Variants in PLB1 observed in about 807,000 individuals in gnomAD.
The protein encoded by PLB1 is phospholipase B1, membrane-associated.
In PLB1, 242 loss-of-function variants were observed where a neutral mutation model predicts 227.4. The observed-to-expected ratio is 1.06, with a 90% CI of 0.96 to 1.18. The LOEUF is 1.18. Ranked by LOEUF, PLB1 falls within the 50% of genes most tolerant of loss-of-function variation. The probability of loss-of-function intolerance (pLI) is 0.00; values close to 1 mark genes in which losing one functional copy is unlikely to be tolerated. For missense variants in PLB1, 1,858 were observed against 1,816.3 expected (o/e 1.02, Z -0.42); for synonymous variants, 757 against 682.2 (o/e 1.11, Z -1.71).
intron 55 of PLB1, 60 bp downstream of exon 55, chr2:28,632,200 G>A (rs1688725743): frequency 2.3e-6 from 3 of 1,304,846 alleles, no homozygotes; most frequent in African/African-American, 3.0e-5. Context: ...GACGATGGAT[G>A]TATTTCCTTC....
Position 28,643,454 on chromosome 2 carries a change from A to C in PLB1, c.*393A>C, listed in dbSNP as rs1690181809. ...ACCCACTATTTCAAAGGCAGAAAAA[A>C]TGCTGGTCACCAGGTGGTGGCTGGA... On this transcript the variant is annotated 3_prime_UTR_variant, in exon 58 of 58. Transcript: ENST00000327757. 1 of 171,238 alleles carries C rather than the reference A, an allele frequency of 5.8e-6. No homozygotes were observed. Among genetic ancestry groups the C allele is most frequent in the Non-Finnish European group, 1.2e-5 (1 of 80,514 alleles). The allele number at this position is 171,238 out of a possible 1,614,324, so 10.6% of individuals were successfully genotyped here.
chr2:28,500,847 A>G (rs984876193), intron 1 of PLB1, among the ~76,000 whole-genome samples: 9 of 152,254 alleles, frequency 5.9e-5, no homozygotes, highest in Non-Finnish European at 1.2e-4. Context: ...TGCCAAAGTT[A>G]TTACAGATTT....
At chr2:28,578,042 C>T in intron 21 of PLB1, 65 bp from the exon 22 acceptor site, 2 of 1,503,772 alleles carry the variant, frequency 1.3e-6, no homozygotes, top group Non-Finnish European at 1.9e-6. Flanking sequence ...GATTGCTGTT[C>T]TCTCTGCTAA....
chr2:28,496,544 C>T (rs1666464014), intron 1 of PLB1, among the ~76,000 whole-genome samples: 1 of 152,186 alleles, frequency 6.6e-6, no homozygotes, highest in East Asian at 1.9e-4. Flanking sequence ...AATACTACTA[C>T]TATGCACATT....
chr2:28,601,652 G>T (rs1264074888), intron 37 of PLB1, among the ~76,000 whole-genome samples: 2 of 152,168 alleles, frequency 1.3e-5, no homozygotes, highest in African/African-American at 2.4e-5. Flanking sequence ...TTGGAAGGAG[G>T]AGTCTCCACT....
At chr2:28,601,379 C>G (rs748161725) in intron 37 of PLB1, 47 bp downstream of exon 37, 1 of 1,533,944 alleles carries the variant, frequency 6.5e-7, no homozygotes, top group East Asian at 2.3e-5. Flanking sequence ...TAACTTTGCC[C>G]AGTAGGCGTT....
chr2:28,523,260 T>C (rs1572733103), intron 4 of PLB1, among the ~76,000 whole-genome samples: 1 of 151,686 alleles, frequency 6.6e-6, no homozygotes, highest in Non-Finnish European at 1.5e-5. Context: ...TTCTCCAATG[T>C]ATAGCAATAC....
At chr2:28,534,519 G>C (rs1020941386) in intron 9 of PLB1, among the ~76,000 whole-genome samples, 10 of 152,196 alleles carry the variant, frequency 6.6e-5, no homozygotes, top group Non-Finnish European at 1.5e-4. Context: ...ACTTGTACTG[G>C]ATTGGGACGT....
In PLB1 at chr2:28,527,127, T is replaced by C. The variant is rs1472893527; in HGVS notation, c.325+1182T>C. On this transcript the variant is annotated intron_variant, in intron 6 of 57. Transcript: ENST00000327757. Reference sequence around the variant, plus strand: ...GGGGGGTGTCTGGGAAGATAGGATATAGTTTAGACCCTGAAGCCACAAATG... The same window carrying C: ...GGGGGGTGTCTGGGAAGATAGGATACAGTTTAGACCCTGAAGCCACAAATG... 4.6e-5 allele frequency among the ~76,000 whole-genome samples: 7 copies of C among 152,200 alleles called. No homozygotes were observed. In the East Asian group the frequency reaches 1.4e-3, roughly 29 times the overall value.
chr2:28,601,222 A>G (rs930233220), intron 36 of PLB1, 30 bp from the exon 37 acceptor site: 1 of 1,567,060 alleles, frequency 6.4e-7, no homozygotes, highest in Non-Finnish European at 8.8e-7. Flanking sequence ...CTTGTTGGAA[A>G]TTATCAAGCA....
At chr2:28,576,095 G>T (rs1678880659) in intron 21 of PLB1, among the ~76,000 whole-genome samples, 1 of 141,674 alleles carries the variant, frequency 7.1e-6, no homozygotes, top group African/African-American at 2.5e-5. Flanking sequence ...TATGGCCCTG[G>T]GTTTCTATCC....
chr2:28,538,559 A>C (rs1672025143), intron 10 of PLB1, among the ~76,000 whole-genome samples, 178 bp downstream of exon 10: 1 of 152,094 alleles, frequency 6.6e-6, no homozygotes. Flanking sequence ...CCAGGAGAGC[A>C]CACTCCACTC....
At chr2:28,515,400 G>T (rs1668728774) in intron 1 of PLB1, among the ~76,000 whole-genome samples, 1 of 152,140 alleles carries the variant, frequency 6.6e-6, no homozygotes, top group Non-Finnish European at 1.5e-5. Flanking sequence ...ACCTATGCCA[G>T]CCTTTTCCAG....
intron 49 of PLB1, among the ~76,000 whole-genome samples, chr2:28,623,409 G>A (rs1162030804): frequency 6.6e-6 from 1 of 152,040 alleles, no homozygotes; most frequent in Non-Finnish European, 1.5e-5. Context: ...TACCCACGAG[G>A]GCTTATTGCC....
chr2:28,507,128 T>A (rs750700042), intron 1 of PLB1, among the ~76,000 whole-genome samples: 1 of 152,072 alleles, frequency 6.6e-6, no homozygotes, highest in Non-Finnish European at 1.5e-5. Context: ...GTGGAAGATA[T>A]TAGTATAGGA....
intron 49 of PLB1, among the ~76,000 whole-genome samples, 160 bp from the exon 50 acceptor site, chr2:28,624,897 A>G (rs1687533355): frequency 6.6e-6 from 1 of 152,326 alleles, no homozygotes; most frequent in East Asian, 1.9e-4. Context: ...CAGGGCAGCC[A>G]TGTGATTGTT....
At chr2:28,539,026 C>A in intron 10 of PLB1, 73 bp from the exon 11 acceptor site, 1 of 1,223,496 alleles carries the variant, frequency 8.2e-7, no homozygotes, top group Non-Finnish European at 1.2e-6. Context: ...GGGGCCCAAG[C>A]AGGAGTTCCA....
intron 10 of PLB1, among the ~76,000 whole-genome samples, chr2:28,538,878 C>T (rs931812599): frequency 3.9e-5 from 6 of 152,148 alleles, no homozygotes; most frequent in South Asian, 2.1e-4. Flanking sequence ...CCCCGCCCAC[C>T]GTGAGGGACA....
chr2:28,629,289 CAGAGGGTAGACA>C, intron 53 of PLB1, 104 bp downstream of exon 53: 1 of 992,308 alleles, frequency 1.0e-6, no homozygotes, highest in Non-Finnish European at 1.5e-6. Context: ...GCAGGCCTGC[CAGAGGGTAGACA>C]TGGCTCAGGG....
Sources: gnomAD v4.1 joint callset for allele counts (sites outside exome capture counted in the v4.1 genomes callset) on GRCh38, gnomAD v4.1.1 for gene constraint, MANE v1.5 for transcripts, NCBI Gene and HGNC (gene_info 2026-07-23, HGNC 2026-07-21) for gene names.